The following ATRN variants were observed in gnomAD, a reference collection of about 807,000 sequenced individuals.
The protein encoded by ATRN is attractin-2.
In ATRN, 54 loss-of-function variants were observed where a neutral mutation model predicts 178.7. That is an observed-to-expected ratio of 0.30 (90% confidence interval 0.24 to 0.38). The LOEUF (loss-of-function observed/expected upper bound fraction) is 0.38, where lower values mean the gene tolerates loss of function less well. Ranked by LOEUF, ATRN falls within the 10% of genes least tolerant of loss-of-function variation. The probability of loss-of-function intolerance (pLI) is 1.00; values close to 1 mark genes in which losing one functional copy is unlikely to be tolerated. For synonymous variants in ATRN, 636 were observed against 663.0 expected, an observed-to-expected ratio of 0.96 and a Z score of 0.63; for missense variants, 1,443 against 1,815.1, an observed-to-expected ratio of 0.79 and a Z score of 3.73.
At chr20:3,634,060 T>TGGAAGG (rs2087007630) in intron 25 of ATRN, among the ~76,000 whole-genome samples, 1 of 152,152 alleles carries the variant, frequency 6.6e-6, no homozygotes, top group Non-Finnish European at 1.5e-5. Context: ...GAAGGCCAAG[T>TGGAAGG]GGAAGGTCAG....
intron 3 of ATRN, among the ~76,000 whole-genome samples, chr20:3,544,684 C>T (rs1285120272): frequency 6.6e-6 from 1 of 152,084 alleles, no homozygotes; most frequent in Non-Finnish European, 1.5e-5. Flanking sequence ...ACTAGTAGTC[C>T]TTGCTGTTGG....
chr20:3,615,894 G>A (rs764175432), intron 24 of ATRN: 2 of 448,298 alleles, frequency 4.5e-6, no homozygotes, highest in South Asian at 3.1e-5. Context: ...GGCCTGTTGT[G>A]GGGTGGGGGG....
intron 1 of ATRN, among the ~76,000 whole-genome samples, chr20:3,483,352 A>G (rs1233166427): frequency 6.6e-6 from 1 of 152,000 alleles, no homozygotes; most frequent in Non-Finnish European, 1.5e-5. Flanking sequence ...CTACAATTAC[A>G]TTCTTTTTTT....
Position 3,645,653 on chromosome 20 carries a change from C to T in ATRN, c.4166-1070C>T, listed in dbSNP as rs6115977. Among the ~76,000 whole-genome samples, 10,144 of 151,842 alleles carry T rather than the reference C, an allele frequency of 0.067. 897 individuals carry two copies. Among genetic ancestry groups the T allele is most frequent in the African/African-American group, 0.2 (8,328 of 41,482 alleles). On this transcript the variant is annotated intron_variant, in intron 28 of 28. Transcript: ENST00000262919. This position sits in a 1 kb window ranked among gnomAD's most constrained non-coding sequence, Gnocchi z 4.7. Reference sequence around the variant, plus strand: ...CTTGAGACCCACCCAACAGTGGGGCCGTCCTTGCTGCCCCTTCTGTACCCC... The same window carrying T: ...CTTGAGACCCACCCAACAGTGGGGCTGTCCTTGCTGCCCCTTCTGTACCCC...
At position 3,624,549 on chromosome 20, in the gene ATRN, A is replaced by G. The variant is rs777615474; in HGVS notation, c.3840A>G (p.Val1280=). The change falls in exon 25 of 29, where the codon GTA becomes GTG. Residue 1280 remains valine (V), a synonymous_variant. Coordinates refer to ENST00000262919, the MANE Select transcript of ATRN (RefSeq NM_139321.3). The part of the protein sequence containing the change: ...FSQHSNFMDL[V]QFFVTFFSCF... ...AGCACAGCAATTTTATGGACCTGGT[A>G]CAGTTCTTCGTGACTTTCTTCAGGT... The G allele has an allele frequency of 6.2e-7, 1 of 1,614,076 alleles. No individual in the cohort carries two copies. Among genetic ancestry groups the G allele is most frequent in the East Asian group, 2.2e-5 (1 of 44,878 alleles).
intron 12 of ATRN, among the ~76,000 whole-genome samples, chr20:3,573,815 A>G (rs2086163980): frequency 1.3e-5 from 2 of 151,828 alleles, no homozygotes; most frequent in South Asian, 4.2e-4. Flanking sequence ...CTCAGGCTGG[A>G]GTACAGCAGC....
At chr20:3,607,132 G>T (rs1007545427) in intron 24 of ATRN, among the ~76,000 whole-genome samples, 4 of 151,714 alleles carry the variant, frequency 2.6e-5, no homozygotes, top group Admixed American at 2.0e-4. Flanking sequence ...ATACATAATT[G>T]TACGTATTTA....
chr20:3,591,679 G>A (rs2086444868), intron 19 of ATRN, among the ~76,000 whole-genome samples: 1 of 152,234 alleles, frequency 6.6e-6, no homozygotes, highest in Non-Finnish European at 1.5e-5. Context: ...ACTGAGGCCC[G>A]GACAAAAGGT....
intron 1 of ATRN, among the ~76,000 whole-genome samples, chr20:3,500,760 G>A (rs1450656690): frequency 5.3e-5 from 8 of 151,242 alleles, no homozygotes; most frequent in Non-Finnish European, 1.0e-4. Context: ...TGGGTGCAGC[G>A]CACCAGCATG....
chr20:3,577,147 T>A, intron 14 of ATRN, 150 bp downstream of exon 14: 2 of 979,076 alleles, frequency 2.0e-6, no homozygotes, highest in South Asian at 1.9e-5. Flanking sequence ...CTTTTTTGTT[T>A]TTAACTAAAA....
chr20:3,513,722 T>C (rs751695987), intron 1 of ATRN, among the ~76,000 whole-genome samples: 1 of 152,230 alleles, frequency 6.6e-6, no homozygotes, highest in Non-Finnish European at 1.5e-5. Context: ...CTTCTATCCA[T>C]GAGCATGGAA....
chr20:3,589,424 A>G (rs2086407253), intron 18 of ATRN, among the ~76,000 whole-genome samples: 1 of 150,704 alleles, frequency 6.6e-6, no homozygotes, highest in Non-Finnish European at 1.5e-5. Flanking sequence ...GGCTCTAAAT[A>G]TTGTGAGGGT....
At chr20:3,476,356 T>C (rs1341158463) in intron 1 of ATRN, among the ~76,000 whole-genome samples, 2 of 152,232 alleles carry the variant, frequency 1.3e-5, no homozygotes, top group Non-Finnish European at 2.9e-5. Flanking sequence ...CTTTTTATTA[T>C]ACCATTTGGC....
intron 17 of ATRN, among the ~76,000 whole-genome samples, 162 bp from the exon 18 acceptor site, chr20:3,584,485 G>A (rs980258863): frequency 3.3e-5 from 5 of 152,008 alleles, no homozygotes; most frequent in African/African-American, 9.7e-5. Context: ...GTTATGTATT[G>A]GGCAAAATAC....
chr20:3,532,231 G>A (rs2085464032), intron 1 of ATRN, among the ~76,000 whole-genome samples: 2 of 152,256 alleles, frequency 1.3e-5, no homozygotes, highest in South Asian at 4.1e-4. Context: ...CTTAGGAGCA[G>A]AAGCAGCATA....
At chr20:3,506,112 C>G (rs1417031886) in intron 1 of ATRN, among the ~76,000 whole-genome samples, 1 of 151,962 alleles carries the variant, frequency 6.6e-6, no homozygotes, top group Non-Finnish European at 1.5e-5. Context: ...GCAAGTAAAA[C>G]AGTAGAAACC....
intron 17 of ATRN, 109 bp from the exon 18 acceptor site, chr20:3,584,538 G>A: frequency 1.3e-6 from 1 of 774,742 alleles, no homozygotes. Flanking sequence ...AATCAAGACA[G>A]AATAATATTT....
At chr20:3,472,032 G>A (rs1050906878) in intron 1 of ATRN, among the ~76,000 whole-genome samples, 2 of 152,150 alleles carry the variant, frequency 1.3e-5, no homozygotes, top group Admixed American at 6.5e-5. Context: ...AAGATATTAG[G>A]GATAGAAGGA....
chr20:3,513,116 G>T (rs1356775343), intron 1 of ATRN, among the ~76,000 whole-genome samples: 2 of 152,104 alleles, frequency 1.3e-5, no homozygotes, highest in Non-Finnish European at 2.9e-5. Context: ...AGTTTAATTA[G>T]ATCCCATTTG....
Sources: allele counts gnomAD v4.1 joint callset (sites outside exome capture counted in the v4.1 genomes callset), GRCh38; gene constraint gnomAD v4.1.1; non-coding constraint Gnocchi (gnomAD v3.1); transcripts MANE v1.5; gene names NCBI Gene and HGNC (gene_info 2026-07-23, HGNC 2026-07-21).